Variants in LMCD1 observed in about 807,000 individuals in gnomAD.
The protein encoded by LMCD1 is LIM and cysteine-rich domains protein 1.
A neutral mutation model predicts 42.7 loss-of-function variants in LMCD1; 32 were observed. That is an observed-to-expected ratio of 0.75 (90% CI 0.57 to 1.01). LMCD1 has a LOEUF of 1.01. Among genes scored for constraint, LMCD1 ranks in the 50% least tolerant of loss-of-function variants. The pLI, the probability that LMCD1 is intolerant of heterozygous loss-of-function variation, is 0.00. For missense variants in LMCD1, 458 were observed against 483.1 expected (o/e 0.95, Z 0.49); for synonymous variants, 178 against 184.9 (o/e 0.96, Z 0.30).
In LMCD1 at chr3:8,532,840, C is replaced by T. The variant is rs1291493635; in HGVS notation, c.131+15C>T. 4 of 1,607,606 alleles carry T rather than the reference C, an allele frequency of 2.5e-6. No individual in the cohort carries two copies. The highest frequency in any genetic ancestry group is 1.7e-4 in the Middle Eastern group (1 of 6,036). On this transcript the variant is annotated intron_variant, in intron 2 of 5. Transcript: ENST00000157600. ...CATTCATGGAGGTAACAGATTTTGT[C>T]AGGAGGGTCCCTGTCTGCCTTTGTT...
chr3:8,511,593 G>C (rs1024134247), intron 1 of LMCD1, among the ~76,000 whole-genome samples: 1 of 152,196 alleles, frequency 6.6e-6, no homozygotes, highest in Non-Finnish European at 1.5e-5. Context: ...TGAAAGACAA[G>C]GATGAATGAG....
intron 1 of LMCD1, among the ~76,000 whole-genome samples, chr3:8,516,478 A>C (rs992153269): frequency 2.0e-5 from 3 of 152,182 alleles, no homozygotes; most frequent in Non-Finnish European, 4.4e-5. Flanking sequence ...CAAACTCAGG[A>C]AAGTGGCGGA....
chr3:8,523,354 C>T (rs1694239381), intron 1 of LMCD1, among the ~76,000 whole-genome samples: 1 of 152,264 alleles, frequency 6.6e-6, no homozygotes, highest in African/African-American at 2.4e-5. Flanking sequence ...CACTCTCACA[C>T]ATACACATGC....
chr3:8,511,903 G>A (rs1406075640), intron 1 of LMCD1, among the ~76,000 whole-genome samples: 1 of 152,146 alleles, frequency 6.6e-6, no homozygotes, highest in Non-Finnish European at 1.5e-5. Flanking sequence ...TGGAGTTCCA[G>A]CAAACTCCCC....
At chr3:8,553,034 C>T (rs944932216) in intron 4 of LMCD1, among the ~76,000 whole-genome samples, 3 of 152,168 alleles carry the variant, frequency 2.0e-5, no homozygotes, top group African/African-American at 7.2e-5. Context: ...TTACCCCAAG[C>T]GAGCCCACCT....
At chr3:8,544,464 G>T (rs565694446) in intron 3 of LMCD1, among the ~76,000 whole-genome samples, 17 of 152,122 alleles carry the variant, frequency 1.1e-4, no homozygotes, top group Non-Finnish European at 1.6e-4. Flanking sequence ...GGTGTCCTCT[G>T]GGATTTAGGG....
intron 2 of LMCD1, among the ~76,000 whole-genome samples, chr3:8,536,318 C>T (rs1246976272): frequency 5.3e-5 from 8 of 152,160 alleles, no homozygotes; most frequent in African/African-American, 9.7e-5. Context: ...CCTCTCACGC[C>T]GTGGAACTCT....
Position 8,568,970 on chromosome 3 carries a change from A to G in LMCD1, c.*1372A>G, listed in dbSNP as rs1220196463. 1.3e-5 allele frequency: 2 copies of G among 152,166 alleles called. No homozygotes were observed. The highest frequency in any genetic ancestry group is 2.9e-5 in the Non-Finnish European group (2 of 68,028). The allele number at this position is 152,166 out of a possible 1,614,324, so 9.4% of individuals were successfully genotyped here. A position where few individuals can be genotyped will look rare whatever the true frequency, so the allele number is the denominator to read the frequency against. On this transcript the variant is annotated 3_prime_UTR_variant, in exon 6 of 6. Coordinates refer to ENST00000157600, the MANE Select transcript of LMCD1 (RefSeq NM_014583.4). ...GTGCTTTATAAGTTTCACCAAAGCCATTGCTATATCCTCCCAAGGCAGTGG... is the reference window on the plus strand; with the variant it reads ...GTGCTTTATAAGTTTCACCAAAGCCGTTGCTATATCCTCCCAAGGCAGTGG...
At chr3:8,546,000 G>A (rs533515342) in intron 3 of LMCD1, among the ~76,000 whole-genome samples, 5 of 152,252 alleles carry the variant, frequency 3.3e-5, no homozygotes, top group East Asian at 3.9e-4. Context: ...AATGGCTCAC[G>A]CCTATAATCC....
intron 3 of LMCD1, among the ~76,000 whole-genome samples, chr3:8,544,689 A>G (rs1694699662): frequency 6.6e-6 from 1 of 152,236 alleles, no homozygotes; most frequent in Non-Finnish European, 1.5e-5. Context: ...GGGTCTGTAC[A>G]ATATGCATTT....
chr3:8,539,573 T>A (rs945877088), intron 3 of LMCD1, among the ~76,000 whole-genome samples: 13 of 152,042 alleles, frequency 8.6e-5, no homozygotes, highest in Non-Finnish European at 1.6e-4. Flanking sequence ...AAGCAGCTCA[T>A]GAAAGAGCTG....
chr3:8,552,052 A>G (rs1415012444), intron 4 of LMCD1, among the ~76,000 whole-genome samples: 1 of 152,254 alleles, frequency 6.6e-6, no homozygotes, highest in African/African-American at 2.4e-5. Context: ...AGACATGAAC[A>G]TACGGGAACT....
At chr3:8,533,600 T>G (rs897408211) in intron 2 of LMCD1, among the ~76,000 whole-genome samples, 1 of 152,232 alleles carries the variant, frequency 6.6e-6, no homozygotes, top group Non-Finnish European at 1.5e-5. Context: ...GTTTGGAAGG[T>G]GTTTTCGCAG....
At chr3:8,555,895 T>C (rs1354065116) in intron 4 of LMCD1, among the ~76,000 whole-genome samples, 1 of 152,118 alleles carries the variant, frequency 6.6e-6, no homozygotes, top group Non-Finnish European at 1.5e-5. Context: ...CCATAGGCAA[T>C]ATCTAAACAG....
intron 4 of LMCD1, chr3:8,550,035 G>T: frequency 3.3e-6 from 5 of 1,506,940 alleles, no homozygotes; most frequent in Non-Finnish European, 4.4e-6. Context: ...TGTTTGGAGG[G>T]GATGTTCAAC....
At chr3:8,547,015 C>G (rs1574967812) in intron 3 of LMCD1, among the ~76,000 whole-genome samples, 1 of 152,264 alleles carries the variant, frequency 6.6e-6, no homozygotes, top group East Asian at 1.9e-4. Flanking sequence ...GAGAACAGAG[C>G]AAAATGAGCT....
chr3:8,515,473 G>C (rs951774806), intron 1 of LMCD1, among the ~76,000 whole-genome samples: 1 of 152,132 alleles, frequency 6.6e-6, no homozygotes, highest in African/African-American at 2.4e-5. Context: ...TTACTTTTCT[G>C]AATGGCCCTG....
At chr3:8,553,840 C>A (rs1694882888) in intron 4 of LMCD1, among the ~76,000 whole-genome samples, 1 of 152,188 alleles carries the variant, frequency 6.6e-6, no homozygotes. Flanking sequence ...GTGCCAGATG[C>A]TACTGCACCC....
intron 4 of LMCD1, among the ~76,000 whole-genome samples, chr3:8,553,788 G>A (rs1694881028): frequency 6.6e-6 from 1 of 152,232 alleles, no homozygotes; most frequent in Non-Finnish European, 1.5e-5. Context: ...AGTTGTCAGA[G>A]TTGCCCTCTT....
Sources: allele counts gnomAD v4.1 joint callset (sites outside exome capture counted in the v4.1 genomes callset), GRCh38; gene constraint gnomAD v4.1.1; transcripts MANE v1.5; gene names NCBI Gene and HGNC (gene_info 2026-07-23, HGNC 2026-07-21).